ZBBX: variants seen among roughly 807,000 people sequenced by gnomAD.
ZBBX encodes zinc finger B-box domain containing.
In ZBBX, 101 loss-of-function variants were observed where a neutral mutation model predicts 108.5. That is an observed-to-expected ratio of 0.93 (90% CI 0.79 to 1.10). ZBBX has a LOEUF of 1.10. Among genes scored for constraint, ZBBX ranks in the 50% least tolerant of loss-of-function variants. ZBBX has a pLI of 0.00. For synonymous variants in ZBBX, 356 were observed against 323.4 expected (o/e 1.10, Z -1.08); for missense variants, 1,009 against 941.4 (o/e 1.07, Z -0.94).
chr3:167,342,440 G>A (rs1181133796), intron 9 of ZBBX, among the ~76,000 whole-genome samples: 1 of 151,600 alleles, frequency 6.6e-6, no homozygotes, highest in Non-Finnish European at 1.5e-5. Flanking sequence ...CTGATAAATT[G>A]AGCTCTAAAA....
intron 20 of ZBBX, among the ~76,000 whole-genome samples, chr3:167,261,074 C>T (rs1240658440): frequency 6.6e-6 from 1 of 152,160 alleles, no homozygotes; most frequent in Non-Finnish European, 1.5e-5. Flanking sequence ...TTCCTCTGAG[C>T]TGAACTGCAG....
intron 1 of ZBBX, among the ~76,000 whole-genome samples, chr3:167,390,329 GT>G (rs1336438032): frequency 6.6e-6 from 1 of 151,990 alleles, no homozygotes; most frequent in Non-Finnish European, 1.5e-5. Flanking sequence ...CTATATATCT[GT>G]TTTGGTACCA....
At chr3:167,206,047 ATAT>A in the ZBBX span, among the ~76,000 whole-genome samples, 261 of 152,086 alleles carry the variant, frequency 1.7e-3, no homozygotes, top group Middle Eastern at 6.8e-3. Flanking sequence ...ATATAGTACA[ATAT>A]TATTATTTCT....
At chr3:167,367,482 T>C (rs1745493026) in intron 5 of ZBBX, among the ~76,000 whole-genome samples, 1 of 151,748 alleles carries the variant, frequency 6.6e-6, no homozygotes, top group South Asian at 2.1e-4. Context: ...TTAGGCTAAT[T>C]TTCTTATCAC....
chr3:167,363,254 C>A (rs1744807902), intron 6 of ZBBX, among the ~76,000 whole-genome samples: 1 of 151,992 alleles, frequency 6.6e-6, no homozygotes. Flanking sequence ...CTTTGGCAAT[C>A]CATTTACTCA....
chr3:167,328,067 CTCTT>C lies in ZBBX; in HGVS notation c.733_736del (p.Lys245ValfsTer21). Reference sequence around the variant, plus strand: ...ATCGAATGACCCTTCACACAACAGACTCTTTCTTGGTTTTGTACGTTGTGCTCTT... The same window carrying C: ...ATCGAATGACCCTTCACACAACAGACTCTTGGTTTTGTACGTTGTGCTCTT... On this transcript the variant is annotated frameshift_variant, in exon 11 of 22. Coordinates refer to ENST00000675490, the MANE Select transcript of ZBBX (RefSeq NM_001199201.2). LOFTEE classifies it high-confidence loss of function. 1 of 1,613,884 alleles carries C rather than the reference CTCTT, an allele frequency of 6.2e-7. No homozygotes were observed.
upstream of ZBBX, among the ~76,000 whole-genome samples, chr3:167,382,338 T>C (rs114704901): frequency 0.011 from 1,708 of 152,278 alleles, 18 homozygotes; most frequent in Non-Finnish European, 0.015. Context: ...TCAAAACAAT[T>C]ACAGCTCTAG....
chr3:167,220,279 CA>C, the ZBBX span, among the ~76,000 whole-genome samples: 3 of 151,648 alleles, frequency 2.0e-5, no homozygotes, highest in Non-Finnish European at 4.4e-5. Context: ...GAAGACACAT[CA>C]AAAAAAGAAA....
At chr3:167,191,934 T>TAGAGAGAGAGAG in the ZBBX span, among the ~76,000 whole-genome samples, 293 of 130,214 alleles carry the variant, frequency 2.3e-3, 7 homozygotes, top group African/African-American at 8.2e-3. Flanking sequence ...TATATATATA[T>TAGAGAGAGAGAG]AGAGCAAGTT....
At chr3:167,182,930 C>T in the ZBBX span, among the ~76,000 whole-genome samples, 1 of 152,132 alleles carries the variant, frequency 6.6e-6, no homozygotes, top group Non-Finnish European at 1.5e-5. Flanking sequence ...AACTGCTATG[C>T]CTCTATATCA....
At chr3:167,263,622 T>C (rs1256054156) in intron 20 of ZBBX, among the ~76,000 whole-genome samples, 2 of 152,238 alleles carry the variant, frequency 1.3e-5, no homozygotes, top group South Asian at 4.1e-4. Flanking sequence ...TTATGACTTG[T>C]TTTGTTACCT....
chr3:167,288,821 G>T (rs2108557624), intron 19 of ZBBX, 46 bp downstream of exon 19: 2 of 1,367,356 alleles, frequency 1.5e-6, no homozygotes, highest in East Asian at 2.6e-5. Flanking sequence ...ACTACTAAAG[G>T]AAGTAAGCTG....
rs759439069 is a variant in ZBBX at position 167,282,412 on chromosome 3, G to A, written c.2080C>T (p.His694Tyr). The change falls in exon 20 of 22, where the codon CAT becomes TAT. Residue 694 changes from histidine to tyrosine, a missense_variant. Transcript: ENST00000675490. ...KESSSCLSSS[H>Y]PRSRSAAAQS... is the part of the protein sequence containing the mutation. Reference sequence around the variant, plus strand: ...GCAGCTGCACTTCTTGATCGAGGATGAGAGGATGAAAGGCAACTGGAGCTT... The same window carrying A: ...GCAGCTGCACTTCTTGATCGAGGATAAGAGGATGAAAGGCAACTGGAGCTT... 2.5e-6 allele frequency: 4 copies of A among 1,614,114 alleles called. No individual in the cohort carries two copies. The highest frequency in any genetic ancestry group is 1.7e-5 in the Admixed American group (1 of 60,020).
At chr3:167,324,816 C>T (rs755742904) in intron 11 of ZBBX, among the ~76,000 whole-genome samples, 4 of 152,144 alleles carry the variant, frequency 2.6e-5, no homozygotes, top group Non-Finnish European at 4.4e-5. Flanking sequence ...TTAAGTATTA[C>T]GGTGCTTAAT....
the ZBBX span, among the ~76,000 whole-genome samples, chr3:167,189,198 C>A: frequency 6.6e-6 from 1 of 152,080 alleles, no homozygotes; most frequent in Non-Finnish European, 1.5e-5. Context: ...CCGCTATATC[C>A]TCAGATTACA....
chr3:167,267,542 T>A (rs73879643), intron 20 of ZBBX, among the ~76,000 whole-genome samples: 1 of 152,144 alleles, frequency 6.6e-6, no homozygotes, highest in Non-Finnish European at 1.5e-5. Context: ...TTGAGAGAAC[T>A]AAACATAAGA....
At chr3:167,304,976 T>C (rs1733372280) in intron 17 of ZBBX, among the ~76,000 whole-genome samples, 1 of 152,156 alleles carries the variant, frequency 6.6e-6, no homozygotes, top group African/African-American at 2.4e-5. Flanking sequence ...ACCATAGGAA[T>C]TCATTTTAAA....
rs568972471 is a variant in ZBBX, at chr3:167,361,870, G to T, written c.274-1147C>A. ...GGTTGTAGGCTACCCTGGATGGAATGGATAGATATGCCCAAGCAAAATGAA... is the reference window on the plus strand; with the variant it reads ...GGTTGTAGGCTACCCTGGATGGAATTGATAGATATGCCCAAGCAAAATGAA... On this transcript the variant is annotated intron_variant, in intron 6 of 21. Transcript: ENST00000675490. Among the ~76,000 whole-genome samples the T allele has an allele frequency of 2.0e-5, 3 of 152,212 alleles. No individual in the cohort carries two copies. The South Asian group carries it at 6.2e-4, about 32-fold the overall frequency.
intron 20 of ZBBX, among the ~76,000 whole-genome samples, chr3:167,251,406 T>C (rs1208502264): frequency 6.6e-6 from 1 of 152,112 alleles, no homozygotes; most frequent in African/African-American, 2.4e-5. Flanking sequence ...ACTGGGGCCT[T>C]AGCATCTGTA....
Sources: gnomAD v4.1 joint callset for allele counts (sites outside exome capture counted in the v4.1 genomes callset) on GRCh38, gnomAD v4.1.1 for gene constraint, MANE v1.5 for transcripts, NCBI Gene and HGNC (gene_info 2026-07-23, HGNC 2026-07-21) for gene names.